KCNT2: variants seen among roughly 807,000 people sequenced by gnomAD.
KCNT2 encodes potassium channel subfamily T member 2.
Under a neutral mutation model 153.8 loss-of-function variants are expected in KCNT2, and 67 were observed. That is an observed-to-expected ratio of 0.44 (90% confidence interval 0.36 to 0.53). The LOEUF (loss-of-function observed/expected upper bound fraction) is 0.53, where lower values mean the gene tolerates loss of function less well. KCNT2 is among the 20% of genes least tolerant of loss of function. KCNT2 has a pLI of 0.00. For missense variants in KCNT2, 975 were observed against 1,354.8 expected, an observed-to-expected ratio of 0.72 and a Z score of 4.40; for synonymous variants, 500 against 458.8, an observed-to-expected ratio of 1.09 and a Z score of -1.15.
At chr1:196,449,899 G>T (rs961699852) in intron 8 of KCNT2, among the ~76,000 whole-genome samples, 1 of 151,666 alleles carries the variant, frequency 6.6e-6, no homozygotes, top group Non-Finnish European at 1.5e-5. Context: ...CATAAGTTTG[G>T]TTGCTTGAGG....
intron 12 of KCNT2, among the ~76,000 whole-genome samples, chr1:196,414,534 A>G (rs1418801540): frequency 2.0e-5 from 3 of 151,814 alleles, no homozygotes; most frequent in Non-Finnish European, 4.4e-5. Context: ...GATATTTTGT[A>G]TTACTTTTTC....
At chr1:196,593,311 TACACACACAC>T (rs869080667) in intron 1 of KCNT2, among the ~76,000 whole-genome samples, 4 of 140,206 alleles carry the variant, frequency 2.9e-5, no homozygotes, top group South Asian at 4.3e-4. Flanking sequence ...TATATATATA[TACACACACAC>T]ACACACACAC....
chr1:196,354,974 G>C (rs967091507), intron 14 of KCNT2, among the ~76,000 whole-genome samples: 1 of 151,682 alleles, frequency 6.6e-6, no homozygotes, highest in Non-Finnish European at 1.5e-5. Context: ...AGCCACTGTA[G>C]GTCAAATAAA....
In KCNT2 at chr1:196,305,786, T is replaced by C. The variant is rs114489071; in HGVS notation, c.2484-441A>G. On this transcript the variant is annotated intron_variant, in intron 21 of 27. Coordinates refer to ENST00000294725, the MANE Select transcript of KCNT2 (RefSeq NM_198503.5). ...CATGTCCTATGGCTCCTTATTCTCATAGTGGGCAATTTTTAAATGTCAAAT... is the reference window on the plus strand; with the variant it reads ...CATGTCCTATGGCTCCTTATTCTCACAGTGGGCAATTTTTAAATGTCAAAT... Among the ~76,000 whole-genome samples, 694 of 152,258 alleles carry C rather than the reference T, an allele frequency of 4.6e-3. 4 individuals carry two copies. The highest frequency in any genetic ancestry group is 0.015 in the African/African-American group (628 of 41,562).
At chr1:196,295,962 G>A (rs1343313311) in intron 22 of KCNT2, among the ~76,000 whole-genome samples, 1 of 151,916 alleles carries the variant, frequency 6.6e-6, no homozygotes, top group African/African-American at 2.4e-5. Flanking sequence ...GCATATGAAT[G>A]ACTCATTGCT....
chr1:196,454,681 G>C (rs1282013682), intron 8 of KCNT2, among the ~76,000 whole-genome samples: 1 of 151,822 alleles, frequency 6.6e-6, no homozygotes, highest in Non-Finnish European at 1.5e-5. Flanking sequence ...TTGCTGGGTT[G>C]AATTATTTTC....
At chr1:196,520,657 A>AT (rs1311791854) in intron 1 of KCNT2, among the ~76,000 whole-genome samples, 3 of 152,304 alleles carry the variant, frequency 2.0e-5, no homozygotes, top group African/African-American at 7.2e-5. Context: ...ACCTACAACC[A>AT]TCTGATCTTT....
chr1:196,419,430 G>A (rs1354240533), intron 12 of KCNT2, among the ~76,000 whole-genome samples: 2 of 146,408 alleles, frequency 1.4e-5, no homozygotes, highest in Admixed American at 7.1e-5. Flanking sequence ...AAGAACATGC[G>A]GTGTTTGGTT....
At chr1:196,424,073 T>C (rs1229689973) in intron 11 of KCNT2, among the ~76,000 whole-genome samples, 1 of 151,820 alleles carries the variant, frequency 6.6e-6, no homozygotes, top group Non-Finnish European at 1.5e-5. Flanking sequence ...TTAAATAGCT[T>C]TTAGAGTATG....
intron 12 of KCNT2, among the ~76,000 whole-genome samples, chr1:196,422,351 T>C (rs929129639): frequency 2.6e-5 from 4 of 151,942 alleles, no homozygotes; most frequent in African/African-American, 9.7e-5. Context: ...TGTCCACACA[T>C]TGCAGATAAT....
Position 196,227,550 on chromosome 1 carries a change from A to G in KCNT2, c.*674T>C, listed in dbSNP as rs1558045593. ...ATATTTGCTAGACATAAAGTTACCA[A>G]AAAGTGCAGGAACCTAGTGTTTCTT... On this transcript the variant is annotated 3_prime_UTR_variant, in exon 28 of 28. Transcript: ENST00000294725. 1.3e-5 allele frequency: 2 copies of G among 152,216 alleles called. No individual in the cohort carries two copies. 9.4% of individuals were successfully genotyped at this position (152,216 alleles called of 1,614,324 possible). A position where few individuals can be genotyped will look rare whatever the true frequency, so the allele number is the denominator to read the frequency against.
intron 3 of KCNT2, 92 bp downstream of exon 3, chr1:196,489,746 T>A (rs1206985460): frequency 1.4e-5 from 10 of 714,228 alleles, no homozygotes; most frequent in Middle Eastern, 2.4e-4. Flanking sequence ...CCTTAAAAAT[T>A]AAGCTCTACA....
At chr1:196,500,915 G>T (rs1572654140) in intron 1 of KCNT2, among the ~76,000 whole-genome samples, 1 of 151,914 alleles carries the variant, frequency 6.6e-6, no homozygotes, top group East Asian at 1.9e-4. Flanking sequence ...TCAAAAGAAG[G>T]CATACAAATG....
intron 13 of KCNT2, among the ~76,000 whole-genome samples, chr1:196,379,565 T>TCTCTCTCTC (rs1669288330): frequency 2.9e-5 from 4 of 136,148 alleles, no homozygotes; most frequent in Non-Finnish European, 4.7e-5. Flanking sequence ...CAGTGAGACT[T>TCTCTCTCTC]TCTCTCTCTC....
intron 8 of KCNT2, among the ~76,000 whole-genome samples, chr1:196,454,133 T>G (rs1449646833): frequency 3.3e-5 from 5 of 152,134 alleles, no homozygotes; most frequent in African/African-American, 1.2e-4. Context: ...TTCTCTCTGA[T>G]GTCTATACAT....
At chr1:196,429,350 G>A (rs780752271) in intron 9 of KCNT2, among the ~76,000 whole-genome samples, 1 of 151,894 alleles carries the variant, frequency 6.6e-6, no homozygotes, top group Non-Finnish European at 1.5e-5. Context: ...GAAATAAGAT[G>A]AGTGCTGTCA....
chr1:196,516,796 C>T (rs1682094722), intron 1 of KCNT2, among the ~76,000 whole-genome samples: 1 of 152,196 alleles, frequency 6.6e-6, no homozygotes. Context: ...GCCATCTTTG[C>T]TGTTTTGCAG....
In KCNT2 at chr1:196,391,758, T is replaced by C. The variant is rs377138266; in HGVS notation, c.1294+6805A>G. 3.3e-5 allele frequency among the ~76,000 whole-genome samples: 5 copies of C among 151,502 alleles called. No homozygotes were observed. In the East Asian group the frequency reaches 9.7e-4, roughly 29 times the overall value. On this transcript the variant is annotated intron_variant, in intron 13 of 27. Transcript: ENST00000294725. ...TTTCTTGTTTTGATTAAATGGATAA[T>C]GGTTATATATACCACATTAACATTA... is the stretch of plus-strand genomic sequence containing the variant.
Position 196,285,852 on chromosome 1 carries a change from T to C in KCNT2, c.2596-94A>G, listed in dbSNP as rs1250715470. 6 of 720,756 alleles carry C rather than the reference T, an allele frequency of 8.3e-6. No homozygotes were observed. In the Admixed American group the frequency reaches 8.5e-5, roughly 10 times the overall value. The allele number at this position is 720,756 out of a possible 1,614,324, so 44.6% of individuals were successfully genotyped here. A position where few individuals can be genotyped will look rare whatever the true frequency, so the allele number is the denominator to read the frequency against. On this transcript the variant is annotated intron_variant, in intron 22 of 27. Transcript: ENST00000294725. ...TTGTGTTGACATACGTAAAAAGTTC[T>C]CATCATATGGTTCTTAGCTATAAAT...
Sources: allele counts gnomAD v4.1 joint callset (sites outside exome capture counted in the v4.1 genomes callset), GRCh38; gene constraint gnomAD v4.1.1; transcripts MANE v1.5; gene names NCBI Gene and HGNC (gene_info 2026-07-23, HGNC 2026-07-21).